FAT3: variants seen among roughly 807,000 people sequenced by gnomAD.
The protein encoded by FAT3 is protocadherin Fat 3.
FAT3 carries 95 observed loss-of-function variants against 310.2 expected under a neutral mutation model. That is an observed-to-expected ratio of 0.31 (90% CI 0.26 to 0.36). The LOEUF is 0.36. Among genes scored for constraint, FAT3 ranks in the 10% least tolerant of loss-of-function variants. The pLI, the probability that FAT3 is intolerant of heterozygous loss-of-function variation, is 1.00. For synonymous variants in FAT3, 2,314 were observed against 2,192.9 expected (o/e 1.06, Z -1.54); for missense variants, 5,408 against 5,715.6 (o/e 0.95, Z 1.74).
intron 1 of FAT3, among the ~76,000 whole-genome samples, chr11:92,244,704 T>C (rs1194620641): frequency 6.6e-6 from 1 of 152,158 alleles, no homozygotes; most frequent in East Asian, 1.9e-4. Context: ...TCATAATTTC[T>C]GATTTAGTAG....
intron 4 of FAT3, among the ~76,000 whole-genome samples, chr11:92,722,123 A>C (rs1944878957): frequency 6.6e-6 from 1 of 152,174 alleles, no homozygotes; most frequent in African/African-American, 2.4e-5. Context: ...CCACAGTCCA[A>C]GGTCTCATCT....
At chr11:92,287,477 G>C (rs1946587969) in intron 1 of FAT3, among the ~76,000 whole-genome samples, 1 of 152,106 alleles carries the variant, frequency 6.6e-6, no homozygotes, top group Non-Finnish European at 1.5e-5. Flanking sequence ...CTAATGTACA[G>C]TATAATATTT....
At chr11:92,541,996 T>C (rs1052133888) in intron 3 of FAT3, among the ~76,000 whole-genome samples, 1 of 152,072 alleles carries the variant, frequency 6.6e-6, no homozygotes, top group African/African-American at 2.4e-5. Flanking sequence ...AAAAGTTCTC[T>C]AAAGTTAGAA....
chr11:92,225,477 C>T (rs1374642690), intron 1 of FAT3, among the ~76,000 whole-genome samples: 2 of 152,022 alleles, frequency 1.3e-5, no homozygotes, highest in Non-Finnish European at 2.9e-5. Context: ...GGAGGGGTTG[C>T]GAGGGGGGTT....
At chr11:92,830,193 C>A (rs980324864) in intron 13 of FAT3, among the ~76,000 whole-genome samples, 1 of 152,170 alleles carries the variant, frequency 6.6e-6, no homozygotes, top group Non-Finnish European at 1.5e-5. Context: ...TAAATCCTAA[C>A]AAACAACTAA....
At chr11:92,826,606 A>G (rs1948112398) in intron 13 of FAT3, among the ~76,000 whole-genome samples, 1 of 152,240 alleles carries the variant, frequency 6.6e-6, no homozygotes, top group African/African-American at 2.4e-5. Flanking sequence ...TGATTATGAC[A>G]CCTCAATAAA....
chr11:92,645,477 A>T (rs978047047), intron 3 of FAT3, among the ~76,000 whole-genome samples: 1 of 142,962 alleles, frequency 7.0e-6, no homozygotes, highest in African/African-American at 2.7e-5. Context: ...GGCAAAGAAG[A>T]CACTGCTTTT....
chr11:92,489,913 A>G (rs552877014), intron 2 of FAT3, among the ~76,000 whole-genome samples: 11 of 145,276 alleles, frequency 7.6e-5, no homozygotes, highest in Admixed American at 2.8e-4. Flanking sequence ...ACTTTCTCCC[A>G]TGAGCAGCGA....
intron 1 of FAT3, among the ~76,000 whole-genome samples, chr11:92,256,006 C>A (rs1865301502): frequency 6.6e-6 from 1 of 152,134 alleles, no homozygotes; most frequent in East Asian, 1.9e-4. Context: ...TTGCACTCTG[C>A]TGTAAATATC....
At chr11:92,483,183 CAG>C (rs1952281709) in intron 2 of FAT3, among the ~76,000 whole-genome samples, 1 of 152,126 alleles carries the variant, frequency 6.6e-6, no homozygotes, top group Non-Finnish European at 1.5e-5. Flanking sequence ...ACAGGTAACA[CAG>C]TATTTGCACA....
chr11:92,547,101 G>A (rs1954641581), intron 3 of FAT3, among the ~76,000 whole-genome samples: 1 of 152,088 alleles, frequency 6.6e-6, no homozygotes, highest in Admixed American at 6.6e-5. Context: ...GCTGGTCATC[G>A]AGCTGCTTCT....
At chr11:92,756,294 AATG>A (rs1170226078) in intron 4 of FAT3, among the ~76,000 whole-genome samples, 3 of 152,212 alleles carry the variant, frequency 2.0e-5, no homozygotes, top group Non-Finnish European at 4.4e-5. Context: ...GTTCAATGAC[AATG>A]ATGATGTAGA....
intron 1 of FAT3, among the ~76,000 whole-genome samples, chr11:92,294,769 T>G (rs1946805066): frequency 6.6e-6 from 1 of 150,564 alleles, no homozygotes; most frequent in African/African-American, 2.4e-5. Flanking sequence ...TCTTTTTCTT[T>G]GGAAAGGTGG....
At chr11:92,701,724 G>A (rs538390303) in intron 4 of FAT3, among the ~76,000 whole-genome samples, 51 of 152,206 alleles carry the variant, frequency 3.4e-4, no homozygotes, top group Admixed American at 6.5e-4. Flanking sequence ...TAATGGACAC[G>A]TAAATGAAAC....
At chr11:92,786,257 CTG>C (rs770770304) in intron 7 of FAT3, among the ~76,000 whole-genome samples, 1 of 152,026 alleles carries the variant, frequency 6.6e-6, no homozygotes, top group African/African-American at 2.4e-5. Flanking sequence ...ATATTCTAAA[CTG>C]TGAATTAACA....
intron 2 of FAT3, among the ~76,000 whole-genome samples, chr11:92,524,381 T>G (rs867093472): frequency 3.3e-5 from 5 of 152,132 alleles, no homozygotes; most frequent in Admixed American, 3.3e-4. Context: ...TTGAGAGATA[T>G]CTATCTCCAA....
intron 2 of FAT3, among the ~76,000 whole-genome samples, chr11:92,507,708 A>T (rs750104838): frequency 1.3e-5 from 2 of 151,996 alleles, no homozygotes; most frequent in Non-Finnish European, 2.9e-5. Context: ...ATGTATATAT[A>T]CAACATATAC....
chr11:92,534,833 AT>A (rs1466580495), intron 3 of FAT3, among the ~76,000 whole-genome samples: 1 of 152,240 alleles, frequency 6.6e-6, no homozygotes, highest in East Asian at 1.9e-4. Context: ...CTGAAGCCAC[AT>A]AAGACAGAGG....
chr11:92,431,881 A>G (rs1473667646), intron 2 of FAT3, among the ~76,000 whole-genome samples: 14 of 152,182 alleles, frequency 9.2e-5, no homozygotes, highest in Non-Finnish European at 1.8e-4. Flanking sequence ...TACCAGTACC[A>G]TGCTGTTTTG....
Sources: allele counts gnomAD v4.1 joint callset (sites outside exome capture counted in the v4.1 genomes callset), GRCh38; gene constraint gnomAD v4.1.1; transcripts MANE v1.5; gene names NCBI Gene and HGNC (gene_info 2026-07-23, HGNC 2026-07-21).